MYCBP2: variants seen among roughly 807,000 people sequenced by gnomAD.
MYCBP2 encodes MYC binding protein 2, also known as E3 ubiquitin-protein ligase MYCBP2.
A neutral mutation model predicts 525.3 loss-of-function variants in MYCBP2; 120 were observed. That is an observed-to-expected ratio of 0.23 (90% CI 0.20 to 0.27). The LOEUF (loss-of-function observed/expected upper bound fraction) is 0.27, where lower values mean the gene tolerates loss of function less well. MYCBP2 is among the 10% of genes least tolerant of loss of function. The probability of loss-of-function intolerance (pLI) is 1.00; values close to 1 mark genes in which losing one functional copy is unlikely to be tolerated. For synonymous variants in MYCBP2, 1,894 were observed against 1,955.8 expected (o/e 0.97, Z 0.83); for missense variants, 4,149 against 5,657.1 (o/e 0.73, Z 8.55).
At position 77,093,189 on chromosome 13, in the gene MYCBP2, C is replaced by T. The variant is rs775239177; in HGVS notation, c.10343G>A (p.Ser3448Asn). ...CCTTGGTGGCATAGACTTCATATTG[C>T]TCTCTGGCTCTTCAAATACATTAGG... ...ASPNVFEEPESNMKSMPPSLE... is the reference protein window; with the variant it reads ...ASPNVFEEPENNMKSMPPSLE... Residue 3448 changes from serine to asparagine, a missense_variant, in exon 59 of 83, where the codon AGC becomes AAC. Ser to Asn is a conservative substitution (Grantham distance 46, BLOSUM62 1). Around this residue, in one of 21 missense-constraint regions of MYCBP2, gnomAD observed 509 missense variants for 789.4 expected, o/e 0.64. Transcript: ENST00000544440. 6 of 1,612,074 alleles carry T rather than the reference C, an allele frequency of 3.7e-6. No homozygotes were observed. Among genetic ancestry groups the T allele is most frequent in the Non-Finnish European group, 3.4e-6 (4 of 1,179,010 alleles).
chr13:77,191,853 C>CGATATTGA (rs756765849), intron 27 of MYCBP2, 40 bp from the exon 28 acceptor site: 1 of 1,593,718 alleles, frequency 6.3e-7, no homozygotes, highest in Non-Finnish European at 8.6e-7. Context: ...TATTTTCTTA[C>CGATATTGA]TTCTCTGTCA....
In MYCBP2 at chr13:77,205,243, T is replaced by G; in HGVS notation, c.3843+13A>C. The stretch of plus-strand genomic sequence containing the variant: ...TTCAAACAAAAAAGGACAACATTGT[T>G]GATGAACTTTACCTTAATTTTAGCA... On this transcript the variant is annotated intron_variant, in intron 26 of 82. Coordinates refer to ENST00000544440, the MANE Select transcript of MYCBP2 (RefSeq NM_015057.5). The G allele has an allele frequency of 2.6e-6, 4 of 1,557,376 alleles. No individual in the cohort carries two copies. The highest frequency in any genetic ancestry group is 3.5e-6 in the Non-Finnish European group (4 of 1,149,408).
chr13:77,163,209 G>T (rs1272288529), intron 43 of MYCBP2, among the ~76,000 whole-genome samples: 1 of 152,096 alleles, frequency 6.6e-6, no homozygotes, highest in Non-Finnish European at 1.5e-5. Flanking sequence ...GAGTATTTGT[G>T]CAAGTATGTA....
At chr13:77,195,114 T>G (rs550602170) in intron 26 of MYCBP2, among the ~76,000 whole-genome samples, 26 of 152,288 alleles carry the variant, frequency 1.7e-4, no homozygotes, top group Middle Eastern at 6.8e-3. Flanking sequence ...GCATTAAAAT[T>G]TACTGGACAA....
At chr13:77,276,992 G>A (rs1160143838) in intron 4 of MYCBP2, among the ~76,000 whole-genome samples, 2 of 151,760 alleles carry the variant, frequency 1.3e-5, no homozygotes, top group Non-Finnish European at 1.5e-5. Flanking sequence ...TAAGACTAAA[G>A]CACATATTAT....
rs2050014957 is a variant in MYCBP2 at position 77,117,655 on chromosome 13, A to G, written c.8140+3718T>C. Among the ~76,000 whole-genome samples the G allele has an allele frequency of 2.6e-5, 4 of 152,300 alleles. No homozygotes were observed. In the South Asian group the frequency reaches 6.2e-4, roughly 24 times the overall value. ...TTCAATTAATGTGTTTATATATTGTATAGCCAACATGAGAACTGAATGCCA... is the reference window on the plus strand; with the variant it reads ...TTCAATTAATGTGTTTATATATTGTGTAGCCAACATGAGAACTGAATGCCA... On this transcript the variant is annotated intron_variant, in intron 55 of 82. Transcript: ENST00000544440.
intron 43 of MYCBP2, among the ~76,000 whole-genome samples, chr13:77,164,226 ATGT>A (rs2058278870): frequency 6.6e-6 from 1 of 152,190 alleles, no homozygotes; most frequent in Non-Finnish European, 1.5e-5. Context: ...GGCTCAAAGC[ATGT>A]ATATGCATAA....
intron 59 of MYCBP2, among the ~76,000 whole-genome samples, chr13:77,092,252 TCA>T (rs1291746724): frequency 2.0e-5 from 3 of 152,176 alleles, no homozygotes; most frequent in Admixed American, 6.5e-5. Context: ...GATACCATGT[TCA>T]CAGTTATTCG....
At chr13:77,139,563 A>G (rs1308125033) in intron 51 of MYCBP2, among the ~76,000 whole-genome samples, 1 of 152,232 alleles carries the variant, frequency 6.6e-6, no homozygotes, top group Admixed American at 6.5e-5. Flanking sequence ...AATTTCACTT[A>G]GGAATAAAAA....
chr13:77,309,075 A>G (rs1172069844), intron 1 of MYCBP2, among the ~76,000 whole-genome samples: 2 of 152,194 alleles, frequency 1.3e-5, no homozygotes, highest in Non-Finnish European at 2.9e-5. Context: ...AGGTTATCTA[A>G]TCCAAAAGAT....
intron 58 of MYCBP2, 64 bp from the exon 59 acceptor site, chr13:77,093,396 T>C (rs919264592): frequency 1.4e-6 from 2 of 1,413,672 alleles, no homozygotes; most frequent in Admixed American, 1.9e-5. Flanking sequence ...CCATTTTTAA[T>C]CTCTTTCATA....
At chr13:77,287,287 G>A (rs999191200) in intron 3 of MYCBP2, among the ~76,000 whole-genome samples, 2 of 151,592 alleles carry the variant, frequency 1.3e-5, no homozygotes, top group African/African-American at 4.9e-5. Context: ...CTGGGTTCAA[G>A]CAATTTTCCT....
At chr13:77,301,969 C>T (rs1567203315) in intron 1 of MYCBP2, among the ~76,000 whole-genome samples, 1 of 151,894 alleles carries the variant, frequency 6.6e-6, no homozygotes, top group Non-Finnish European at 1.5e-5. Context: ...CACAGACTTG[C>T]AAACAGGCCA....
chr13:77,211,120 TAACTGCATCAA>T (rs2063952251), intron 23 of MYCBP2, 36 bp downstream of exon 23: 1 of 1,353,054 alleles, frequency 7.4e-7, no homozygotes, highest in Admixed American at 2.6e-5. Flanking sequence ...CATAAGAGTA[TAACTGCATCAA>T]AACTTATTGA....
At chr13:77,247,277 C>A (rs2070208826) in intron 15 of MYCBP2, among the ~76,000 whole-genome samples, 1 of 152,112 alleles carries the variant, frequency 6.6e-6, no homozygotes, top group Admixed American at 6.6e-5. Flanking sequence ...ACAAAGTCAA[C>A]ACACAAAAAT....
chr13:77,161,202 AT>A (rs2057875016), intron 44 of MYCBP2, among the ~76,000 whole-genome samples: 1 of 152,194 alleles, frequency 6.6e-6, no homozygotes, highest in Non-Finnish European at 1.5e-5. Context: ...CCTATTACAG[AT>A]TACTAGCTAG....
chr13:77,078,564 G>C (rs2042735281), intron 66 of MYCBP2, among the ~76,000 whole-genome samples: 3 of 152,126 alleles, frequency 2.0e-5, no homozygotes, highest in African/African-American at 7.2e-5. Flanking sequence ...GTCTTTGTTG[G>C]GGAGTAGGGT....
At chr13:77,186,107 A>G (rs748844627) in intron 30 of MYCBP2, 44 bp from the exon 31 acceptor site, 6 of 1,396,174 alleles carry the variant, frequency 4.3e-6, no homozygotes, top group Admixed American at 2.4e-5. Context: ...AATTCAAATG[A>G]TACCATAAAC....
At chr13:77,322,496 C>G (rs994363787) in intron 1 of MYCBP2, among the ~76,000 whole-genome samples, 3 of 152,180 alleles carry the variant, frequency 2.0e-5, no homozygotes, top group African/African-American at 7.2e-5. Context: ...ATCAACTCAA[C>G]TAGGTTTTCT....
Sources: gnomAD v4.1 joint callset for allele counts (sites outside exome capture counted in the v4.1 genomes callset) on GRCh38, gnomAD v4.1.1 for gene constraint, gnomAD v4.1.1 regional missense constraint, MANE v1.5 for transcripts, NCBI Gene and HGNC (gene_info 2026-07-23, HGNC 2026-07-21) for gene names.